Variants in KCND3 observed in about 807,000 individuals in gnomAD.
The protein encoded by KCND3 is A-type voltage-gated potassium channel KCND3.
In KCND3, 9 loss-of-function variants were observed where a neutral mutation model predicts 51.1. That is an observed-to-expected ratio of 0.18 (90% CI 0.11 to 0.31). The LOEUF is 0.31. Among genes scored for constraint, KCND3 ranks in the 10% least tolerant of loss-of-function variants. KCND3 has a pLI of 1.00. For synonymous variants in KCND3, 349 were observed against 368.0 expected (o/e 0.95, Z 0.59); for missense variants, 526 against 903.8 (o/e 0.58, Z 5.36).
chr1:111,815,998 G>T lies in KCND3; in HGVS notation c.1107-28892C>A, dbSNP rs539588681. On this transcript the variant is annotated intron_variant, in intron 2 of 7. Coordinates refer to ENST00000302127, the MANE Select transcript of KCND3 (RefSeq NM_001378969.1). ...AAGGGGAAAAGGGAGGCAGGGTGGG[G>T]CCAACCTGAGCGCTAATGCTGTGCC... Among the ~76,000 whole-genome samples, 14 of 152,318 alleles carry T rather than the reference G, an allele frequency of 9.2e-5. No homozygotes were observed. In the East Asian group the frequency reaches 2.5e-3, roughly 27 times the overall value.
intron 2 of KCND3, among the ~76,000 whole-genome samples, chr1:111,809,559 C>T (rs111916761): frequency 0.082 from 12,431 of 152,140 alleles, 892 homozygotes; most frequent in African/African-American, 0.18. Flanking sequence ...CTACCTGCCT[C>T]GGCCTCCCAA....
At chr1:111,848,715 C>A (rs2101658162) in intron 2 of KCND3, among the ~76,000 whole-genome samples, 1 of 152,290 alleles carries the variant, frequency 6.6e-6, no homozygotes, top group African/African-American at 2.4e-5. Flanking sequence ...GGCTCCGAGA[C>A]CTTGGGAGAA....
intron 2 of KCND3, among the ~76,000 whole-genome samples, chr1:111,904,754 C>T (rs907983873): frequency 2.6e-5 from 4 of 152,194 alleles, no homozygotes; most frequent in East Asian, 1.9e-4. Flanking sequence ...CACCTGCCGC[C>T]GATTGGCTCT....
At chr1:111,895,214 C>T (rs1366624121) in intron 2 of KCND3, among the ~76,000 whole-genome samples, 2 of 146,196 alleles carry the variant, frequency 1.4e-5, no homozygotes, top group Non-Finnish European at 3.0e-5. Flanking sequence ...AGGGTGAGGA[C>T]GGAGAGGGAG....
chr1:111,822,275 T>A (rs947630038), intron 2 of KCND3, among the ~76,000 whole-genome samples: 6 of 152,212 alleles, frequency 3.9e-5, no homozygotes, highest in Admixed American at 3.9e-4. Context: ...TTTTTAGGCG[T>A]ACTGTTTGGT....
At chr1:111,781,520 T>A (rs967379457) in intron 3 of KCND3, among the ~76,000 whole-genome samples, 1 of 152,152 alleles carries the variant, frequency 6.6e-6, no homozygotes, top group African/African-American at 2.4e-5. Flanking sequence ...CATGCATGTA[T>A]ATGGTTTTTT....
intron 2 of KCND3, among the ~76,000 whole-genome samples, chr1:111,973,017 T>C (rs537684655): frequency 6.6e-6 from 1 of 152,386 alleles, no homozygotes; most frequent in African/African-American, 2.4e-5. Context: ...TGGTTATCCA[T>C]GCCACTGGGA....
At chr1:111,961,508 C>T (rs1000674138) in intron 2 of KCND3, among the ~76,000 whole-genome samples, 2 of 152,154 alleles carry the variant, frequency 1.3e-5, no homozygotes, top group Non-Finnish European at 1.5e-5. Flanking sequence ...GGCTCCTCTG[C>T]CAAGCCCCAT....
chr1:111,899,393 T>C (rs933314281), intron 2 of KCND3, among the ~76,000 whole-genome samples: 1 of 152,238 alleles, frequency 6.6e-6, no homozygotes, highest in Non-Finnish European at 1.5e-5. Context: ...GAGCATCAAT[T>C]TGAAAATGGC....
chr1:111,872,705 A>G (rs1054229123), intron 2 of KCND3, among the ~76,000 whole-genome samples: 1 of 152,196 alleles, frequency 6.6e-6, no homozygotes, highest in Admixed American at 6.5e-5. Context: ...TGAACAACAC[A>G]TTTATAGAGG....
chr1:111,951,524 G>A lies in KCND3; in HGVS notation c.1106+30097C>T, dbSNP rs1217666072. Among the ~76,000 whole-genome samples the A allele has an allele frequency of 2.0e-5, 3 of 152,164 alleles. No homozygotes were observed. The East Asian group carries it at 5.8e-4, about 29-fold the overall frequency. On this transcript the variant is annotated intron_variant, in intron 2 of 7. Coordinates refer to ENST00000302127, the MANE Select transcript of KCND3 (RefSeq NM_001378969.1). ...ATGGCATCTGCGTTGACCACCTTAA[G>A]TATGGGAACAACTAAGGGATGAAGA...
At position 111,898,996 on chromosome 1, in the gene KCND3, C is replaced by T. The variant is rs569976975; in HGVS notation, c.1106+82625G>A. Among the ~76,000 whole-genome samples, 12 of 152,328 alleles carry T rather than the reference C, an allele frequency of 7.9e-5. No individual in the cohort carries two copies. The South Asian group carries it at 2.5e-3, about 32-fold the overall frequency. ...GTGGCTGTCCCACTAGTGCCAGGAA[C>T]AGGGTGGCATAATCCTATCCCATCC... On this transcript the variant is annotated intron_variant, in intron 2 of 7. Transcript: ENST00000302127.
intron 2 of KCND3, among the ~76,000 whole-genome samples, chr1:111,978,932 C>T (rs1674792928): frequency 6.6e-6 from 1 of 152,040 alleles, no homozygotes; most frequent in African/African-American, 2.4e-5. Context: ...AGGTCAAAGT[C>T]AAAGTAGCCT....
At chr1:111,886,673 T>C (rs1416011518) in intron 2 of KCND3, among the ~76,000 whole-genome samples, 1 of 152,238 alleles carries the variant, frequency 6.6e-6, no homozygotes, top group Non-Finnish European at 1.5e-5. Flanking sequence ...GGCCCTGTGA[T>C]AAGCACTTTC....
intron 2 of KCND3, among the ~76,000 whole-genome samples, chr1:111,885,439 A>T (rs567708639): frequency 6.6e-6 from 1 of 152,376 alleles, no homozygotes; most frequent in South Asian, 2.1e-4. Flanking sequence ...AGACTTTGTT[A>T]GTGAAAACAA....
intron 2 of KCND3, among the ~76,000 whole-genome samples, chr1:111,963,166 A>AC (rs1673761303): frequency 1.3e-5 from 2 of 152,096 alleles, no homozygotes; most frequent in African/African-American, 4.8e-5. Flanking sequence ...AGACAACTCA[A>AC]CCCCCCACCA....
intron 2 of KCND3, among the ~76,000 whole-genome samples, chr1:111,802,614 G>C (rs2101549661): frequency 6.6e-6 from 1 of 152,358 alleles, no homozygotes; most frequent in East Asian, 1.9e-4. Context: ...CAAGATGCTT[G>C]TTTCATGTCT....
intron 2 of KCND3, among the ~76,000 whole-genome samples, chr1:111,828,775 T>C (rs979305692): frequency 9.9e-5 from 15 of 152,156 alleles, no homozygotes; most frequent in Non-Finnish European, 1.6e-4. Flanking sequence ...CACCGTCCAT[T>C]AGCCACCCCA....
chr1:111,930,137 C>T (rs951497881), intron 2 of KCND3, among the ~76,000 whole-genome samples: 3 of 151,318 alleles, frequency 2.0e-5, no homozygotes, highest in African/African-American at 7.3e-5. Context: ...TGATTTGATG[C>T]AATTCACTGT....
Sources: allele counts gnomAD v4.1 joint callset (sites outside exome capture counted in the v4.1 genomes callset), GRCh38; gene constraint gnomAD v4.1.1; transcripts MANE v1.5; gene names NCBI Gene and HGNC (gene_info 2026-07-23, HGNC 2026-07-21).